SORCS3: variants seen among roughly 807,000 people sequenced by gnomAD.
SORCS3 encodes VPS10 domain-containing receptor SorCS3.
In SORCS3, 57 loss-of-function variants were observed where a neutral mutation model predicts 146.3. The observed-to-expected ratio is 0.39, with a 90% CI of 0.31 to 0.49. The LOEUF (loss-of-function observed/expected upper bound fraction) is 0.49. Ranked by LOEUF, SORCS3 falls within the 20% of genes least tolerant of loss-of-function variation. The pLI is 0.92. For synonymous variants in SORCS3, 653 were observed against 618.5 expected, an observed-to-expected ratio of 1.06 and a Z score of -0.83; for missense variants, 1,341 against 1,575.5, an observed-to-expected ratio of 0.85 and a Z score of 2.52.
At chr10:104,926,968 A>G (rs556509913) in intron 3 of SORCS3, among the ~76,000 whole-genome samples, 13 of 152,250 alleles carry the variant, frequency 8.5e-5, no homozygotes, top group Non-Finnish European at 1.6e-4. Context: ...AAAAATAAAG[A>G]TAATAATGAT....
At chr10:105,092,037 A>G (rs1166873523) in intron 6 of SORCS3, among the ~76,000 whole-genome samples, 1 of 152,188 alleles carries the variant, frequency 6.6e-6, no homozygotes, top group Non-Finnish European at 1.5e-5. Context: ...GTACATTCTC[A>G]GGCTTCGTGA....
chr10:105,063,016 A>T (rs141727053), intron 5 of SORCS3, among the ~76,000 whole-genome samples: 1,680 of 152,274 alleles, frequency 0.011, 12 homozygotes, highest in Non-Finnish European at 0.017. Context: ...CCATGAAGAA[A>T]CTTACTGTTG....
intron 2 of SORCS3, among the ~76,000 whole-genome samples, chr10:104,858,361 T>C (rs1358072774): frequency 1.3e-5 from 2 of 152,340 alleles, no homozygotes; most frequent in Non-Finnish European, 2.9e-5. Context: ...TAAAAGTTTG[T>C]ATGTTATCAA....
chr10:104,748,091 G>T (rs904361374), intron 1 of SORCS3, among the ~76,000 whole-genome samples: 1 of 152,208 alleles, frequency 6.6e-6, no homozygotes, highest in African/African-American at 2.4e-5. Flanking sequence ...TTGTCATGAG[G>T]TCTCAATGAA....
chr10:104,659,426 A>G (rs1338846972), intron 1 of SORCS3, among the ~76,000 whole-genome samples: 2 of 152,190 alleles, frequency 1.3e-5, no homozygotes, highest in Non-Finnish European at 2.9e-5. Context: ...CTCTTTCTGT[A>G]ACACTCTGAT....
chr10:105,213,084 G>A (rs376136529), intron 17 of SORCS3, among the ~76,000 whole-genome samples: 9 of 152,108 alleles, frequency 5.9e-5, no homozygotes, highest in Non-Finnish European at 7.4e-5. Flanking sequence ...CACAAGGTGC[G>A]CTACCATATT....
chr10:104,888,228 C>T (rs866235923), intron 2 of SORCS3, among the ~76,000 whole-genome samples: 1 of 152,020 alleles, frequency 6.6e-6, no homozygotes, highest in South Asian at 2.1e-4. Flanking sequence ...TCTTTTATTC[C>T]CCTGCTTCTG....
At position 104,923,529 on chromosome 10, in the gene SORCS3, C is replaced by T. The variant is rs564722473; in HGVS notation, c.795+7597C>T. On this transcript the variant is annotated intron_variant, in intron 3 of 26. Coordinates refer to ENST00000369701, the MANE Select transcript of SORCS3 (RefSeq NM_014978.3). ...TGCTGGCACAATTAAGGGGTTCTAT[C>T]AGCATGAGCCAATGCAACTTCATAG... Among the ~76,000 whole-genome samples the T allele has an allele frequency of 3.3e-5, 5 of 152,320 alleles. No individual in the cohort carries two copies. The East Asian group carries it at 9.6e-4, about 29-fold the overall frequency.
intron 1 of SORCS3, among the ~76,000 whole-genome samples, chr10:104,743,147 C>A (rs757660178): frequency 3.3e-5 from 5 of 152,100 alleles, no homozygotes; most frequent in Non-Finnish European, 5.9e-5. Flanking sequence ...AGTTAGGGAA[C>A]TTGGCTCTTC....
In SORCS3 at chr10:104,707,914, C is replaced by G; in HGVS notation, c.627+65960C>G. ...TGTCAGATACACTTGGGATGCAGATCTTTTATTGAAGAGAAGGTTGGACTT... is the reference window on the plus strand; with the variant it reads ...TGTCAGATACACTTGGGATGCAGATGTTTTATTGAAGAGAAGGTTGGACTT... On this transcript the variant is annotated intron_variant, in intron 1 of 26. Coordinates refer to ENST00000369701, the MANE Select transcript of SORCS3 (RefSeq NM_014978.3). 1.3e-5 allele frequency among the ~76,000 whole-genome samples: 2 copies of G among 152,156 alleles called. 1 individual carries two copies. The highest frequency in any genetic ancestry group is 3.8e-4 in the East Asian group (2 of 5,204).
At chr10:105,206,374 C>T (rs2056602629) in intron 16 of SORCS3, among the ~76,000 whole-genome samples, 1 of 152,048 alleles carries the variant, frequency 6.6e-6, no homozygotes, top group South Asian at 2.1e-4. Context: ...ACCATATTAG[C>T]TTAATATAAA....
At chr10:104,752,944 C>G (rs1054779663) in intron 1 of SORCS3, among the ~76,000 whole-genome samples, 2 of 56,648 alleles carry the variant, frequency 3.5e-5, no homozygotes, top group Non-Finnish European at 6.5e-5. Context: ...AAAAACCAAA[C>G]CAAGCCAACC....
rs1461095921 is a variant in SORCS3 at position 104,815,538 on chromosome 10, A to G, written c.628-27254A>G. ...ATTTAAATATAAATAAAGATTTGAC[A>G]TTGAGATACAAATTCACCACACTCC... is the stretch of plus-strand genomic sequence containing the variant. On this transcript the variant is annotated intron_variant, in intron 1 of 26. Transcript: ENST00000369701. Among the ~76,000 whole-genome samples, 3 of 151,848 alleles carry G rather than the reference A, an allele frequency of 2.0e-5. No homozygotes were observed. In the East Asian group the frequency reaches 5.8e-4, roughly 29 times the overall value.
chr10:104,869,701 T>A (rs1313545758), intron 2 of SORCS3, among the ~76,000 whole-genome samples: 1 of 152,194 alleles, frequency 6.6e-6, no homozygotes, highest in Admixed American at 6.5e-5. Context: ...ATGTTTGAAG[T>A]CAGGACTCTG....
chr10:104,997,363 A>G (rs2055033537), intron 4 of SORCS3, among the ~76,000 whole-genome samples: 1 of 152,180 alleles, frequency 6.6e-6, no homozygotes, highest in Non-Finnish European at 1.5e-5. Flanking sequence ...TCAATTTCAT[A>G]TGAACCCCTA....
chr10:105,233,049 G>A (rs1018412599), intron 20 of SORCS3, among the ~76,000 whole-genome samples: 6 of 151,624 alleles, frequency 4.0e-5, no homozygotes, highest in Admixed American at 2.0e-4. Context: ...TTGATTGGTG[G>A]CATTATTAAA....
chr10:105,045,886 C>A (rs2055368648), intron 5 of SORCS3, among the ~76,000 whole-genome samples: 1 of 152,098 alleles, frequency 6.6e-6, no homozygotes, highest in South Asian at 2.1e-4. Flanking sequence ...TGTCATTTTG[C>A]TGGGCACAAA....
chr10:104,799,591 G>A (rs907135564), intron 1 of SORCS3, among the ~76,000 whole-genome samples: 2 of 152,160 alleles, frequency 1.3e-5, no homozygotes, highest in Non-Finnish European at 2.9e-5. Flanking sequence ...GATACCTAAT[G>A]TAGGTGATGG....
At chr10:105,035,039 G>A (rs1321534847) in intron 4 of SORCS3, among the ~76,000 whole-genome samples, 3 of 152,144 alleles carry the variant, frequency 2.0e-5, no homozygotes, top group African/African-American at 7.2e-5. Context: ...CTATCATGAG[G>A]ATATCACTGC....
Sources: gnomAD v4.1 joint callset for allele counts (sites outside exome capture counted in the v4.1 genomes callset) on GRCh38, gnomAD v4.1.1 for gene constraint, MANE v1.5 for transcripts, NCBI Gene and HGNC (gene_info 2026-07-23, HGNC 2026-07-21) for gene names.